The following ADAMTSL3 variants were observed in gnomAD, a reference collection of about 807,000 sequenced individuals.
ADAMTSL3 encodes the protein ADAMTS-like protein 3.
In ADAMTSL3, 128 loss-of-function variants were observed where a neutral mutation model predicts 201.7. The ratio of observed to expected loss-of-function variants is 0.63; its 90% CI spans 0.55 to 0.73. The LOEUF (loss-of-function observed/expected upper bound fraction) is 0.73, where lower values mean the gene tolerates loss of function less well. ADAMTSL3 is among the 30% of genes least tolerant of loss of function. The probability of loss-of-function intolerance (pLI) is 0.00; values close to 1 mark genes in which losing one functional copy is unlikely to be tolerated. For missense variants in ADAMTSL3, 1,990 were observed against 2,119.6 expected (o/e 0.94, Z 1.20); for synonymous variants, 738 against 748.4 (o/e 0.99, Z 0.23).
At chr15:83,749,571 GA>G (rs1331618483) in intron 3 of ADAMTSL3, among the ~76,000 whole-genome samples, 2 of 152,176 alleles carry the variant, frequency 1.3e-5, no homozygotes, top group Admixed American at 6.5e-5. Flanking sequence ...GACGCAGGTG[GA>G]AGGTTCTAAC....
chr15:83,908,496 T>A (rs2065879392), intron 15 of ADAMTSL3, among the ~76,000 whole-genome samples: 1 of 152,248 alleles, frequency 6.6e-6, no homozygotes, highest in African/African-American at 2.4e-5. Flanking sequence ...ATTATTGTTC[T>A]TATTTTACAG....
intron 6 of ADAMTSL3, among the ~76,000 whole-genome samples, chr15:83,835,225 C>A (rs2064242580): frequency 8.7e-6 from 1 of 114,288 alleles, no homozygotes; most frequent in South Asian, 3.5e-4. Context: ...CAGAGCAAGA[C>A]TCTGTCTCAA....
rs74024571 is a variant in ADAMTSL3, at chr15:83,814,287, G to C, written c.364-5524G>C. ...CTCATGTCTGTCTCCAGACTTCCAGGCCATCTTGCGATTATACTGTTCCTA... is the reference window on the plus strand; with the variant it reads ...CTCATGTCTGTCTCCAGACTTCCAGCCCATCTTGCGATTATACTGTTCCTA... On this transcript the variant is annotated intron_variant, in intron 5 of 29. Transcript: ENST00000286744. 2.5e-3 allele frequency among the ~76,000 whole-genome samples: 383 copies of C among 152,176 alleles called. 2 individuals carry two copies. Among genetic ancestry groups the C allele is most frequent in the African/African-American group, 8.8e-3 (364 of 41,512 alleles).
intron 16 of ADAMTSL3, among the ~76,000 whole-genome samples, chr15:83,916,245 A>G (rs115685746): frequency 0.015 from 2,338 of 152,258 alleles, 59 homozygotes; most frequent in African/African-American, 0.05. Context: ...AATTTTAGAA[A>G]AGCTCAAGTT....
chr15:83,657,701 A>G (rs1012884134), intron 2 of ADAMTSL3, among the ~76,000 whole-genome samples: 1 of 152,240 alleles, frequency 6.6e-6, no homozygotes, highest in Non-Finnish European at 1.5e-5. Context: ...AGCTTGAAGC[A>G]AGCGCAGTGC....
intron 6 of ADAMTSL3, among the ~76,000 whole-genome samples, chr15:83,832,168 G>C (rs756881872): frequency 7.2e-5 from 11 of 152,076 alleles, no homozygotes; most frequent in East Asian, 3.9e-4. Flanking sequence ...TAAAGCAAAG[G>C]CATCTTTTTT....
At chr15:83,804,893 G>A (rs931702270) in intron 5 of ADAMTSL3, among the ~76,000 whole-genome samples, 198 bp downstream of exon 5, 3 of 152,018 alleles carry the variant, frequency 2.0e-5, no homozygotes, top group African/African-American at 7.3e-5. Context: ...TCACATTCAT[G>A]ATCTAATTTG....
chr15:83,921,657 A>C (rs775305538), intron 16 of ADAMTSL3, among the ~76,000 whole-genome samples: 1 of 152,188 alleles, frequency 6.6e-6, no homozygotes, highest in Non-Finnish European at 1.5e-5. Flanking sequence ...TACCCTTTAA[A>C]TATTAATTTA....
At chr15:83,943,982 A>C (rs1182836393) in intron 19 of ADAMTSL3, among the ~76,000 whole-genome samples, 1 of 151,940 alleles carries the variant, frequency 6.6e-6, no homozygotes, top group Non-Finnish European at 1.5e-5. Context: ...TTTATCTGAT[A>C]ACTGAGAAGA....
At chr15:83,724,832 C>T (rs962377399) in intron 3 of ADAMTSL3, among the ~76,000 whole-genome samples, 9 of 152,112 alleles carry the variant, frequency 5.9e-5, no homozygotes, top group African/African-American at 1.9e-4. Context: ...GTTTATTTCA[C>T]TTAGCATAAA....
chr15:83,787,404 T>TA (rs894779277), intron 4 of ADAMTSL3, among the ~76,000 whole-genome samples: 6 of 152,244 alleles, frequency 3.9e-5, no homozygotes, highest in South Asian at 2.1e-4. Context: ...TCTGGGTTGA[T>TA]AAAAAAACTC....
intron 19 of ADAMTSL3, among the ~76,000 whole-genome samples, chr15:83,947,453 T>G (rs1169731703): frequency 6.6e-6 from 1 of 152,198 alleles, no homozygotes; most frequent in Non-Finnish European, 1.5e-5. Flanking sequence ...GAGCCTTCAG[T>G]TCTTACACTG....
At chr15:83,904,238 A>C (rs1445609941) in intron 15 of ADAMTSL3, among the ~76,000 whole-genome samples, 1 of 151,588 alleles carries the variant, frequency 6.6e-6, no homozygotes, top group African/African-American at 2.4e-5. Context: ...CATAATTCAC[A>C]CTGCCTGGCA....
rs535205148 is a variant in ADAMTSL3, at chr15:83,793,108, C to A, written c.318-11542C>A. Among the ~76,000 whole-genome samples, 53 of 152,236 alleles carry A rather than the reference C, an allele frequency of 3.5e-4. No homozygotes were observed. The East Asian group carries it at 7.0e-3, about 20-fold the overall frequency. On this transcript the variant is annotated intron_variant, in intron 4 of 29. Transcript: ENST00000286744. The stretch of plus-strand genomic sequence containing the variant: ...CAGGAAGGCAAATACCACATAATCT[C>A]ACTCATATGTAGACGCTAAAAAAGT...
At chr15:83,811,295 T>C (rs756324714) in intron 5 of ADAMTSL3, among the ~76,000 whole-genome samples, 1 of 152,188 alleles carries the variant, frequency 6.6e-6, no homozygotes, top group African/African-American at 2.4e-5. Context: ...AATTTCCTTG[T>C]AGTCATTCAA....
chr15:83,688,857 A>G (rs1481920454), intron 2 of ADAMTSL3, among the ~76,000 whole-genome samples: 3 of 152,160 alleles, frequency 2.0e-5, no homozygotes, highest in African/African-American at 7.2e-5. Context: ...TCGCCAGGCT[A>G]GAGTGTAGTG....
intron 2 of ADAMTSL3, among the ~76,000 whole-genome samples, chr15:83,680,360 T>C (rs1193022374): frequency 1.3e-5 from 2 of 152,034 alleles, no homozygotes; most frequent in Non-Finnish European, 2.9e-5. Context: ...ATGTCCAGGG[T>C]GTTTAGTTGT....
chr15:83,691,507 A>G (rs1439932950), intron 2 of ADAMTSL3, among the ~76,000 whole-genome samples: 1 of 152,198 alleles, frequency 6.6e-6, no homozygotes, highest in Non-Finnish European at 1.5e-5. Context: ...ATATTATAAC[A>G]GATGTCCAGT....
At chr15:84,036,452 A>T (rs1341112247) in intron 28 of ADAMTSL3, among the ~76,000 whole-genome samples, 1 of 152,158 alleles carries the variant, frequency 6.6e-6, no homozygotes, top group Non-Finnish European at 1.5e-5. Flanking sequence ...TTCCTTGCCA[A>T]AATTGATTTC....
Sources: gnomAD v4.1 joint callset for allele counts (sites outside exome capture counted in the v4.1 genomes callset) on GRCh38, gnomAD v4.1.1 for gene constraint, MANE v1.5 for transcripts, NCBI Gene and HGNC (gene_info 2026-07-23, HGNC 2026-07-21) for gene names.